The following STMN4 variants were observed in gnomAD, a reference collection of about 807,000 sequenced individuals.
The protein encoded by STMN4 is stathmin-4.
In STMN4, 12 loss-of-function variants were observed where a neutral mutation model predicts 29.1. The ratio of observed to expected loss-of-function variants is 0.41; its 90% CI spans 0.26 to 0.67. STMN4 has a LOEUF of 0.67. Among genes scored for constraint, STMN4 ranks in the 30% least tolerant of loss-of-function variants. STMN4 has a pLI of 0.30. For synonymous variants in STMN4, 114 were observed against 105.3 expected (o/e 1.08, Z -0.51); for missense variants, 181 against 262.8 (o/e 0.69, Z 2.15).
At position 27,240,009 on chromosome 8, in the gene STMN4, C is replaced by T; in HGVS notation, c.553G>A (p.Ala185Thr). 1 of 1,614,202 alleles carries T rather than the reference C, an allele frequency of 6.2e-7. No individual in the cohort carries two copies. The highest frequency in any genetic ancestry group is 8.5e-7 in the Non-Finnish European group (1 of 1,180,038). ...KMESNKENRE[A>T]HLAAMLERLQ... ...CGTTCCAACATGGCGGCGAGGTGGG[C>T]CTCCCTGTTCTCCTTGTTGGATTCC... Residue 185 changes from alanine to threonine, a missense_variant, in exon 6 of 7, where the codon GCC (alanine) becomes ACC (threonine). Ala to Thr is a moderately conservative substitution (Grantham distance 58, BLOSUM62 0). Coordinates refer to ENST00000350889, the MANE Select transcript of STMN4 (RefSeq NM_030795.4).
At chr8:27,237,552 G>A (rs1040586427) in intron 6 of STMN4, among the ~76,000 whole-genome samples, 20 of 152,164 alleles carry the variant, frequency 1.3e-4, no homozygotes, top group Non-Finnish European at 2.8e-4. Context: ...ACCGTGCCCA[G>A]GTGTGGACTC....
At chr8:27,242,619 C>A in intron 2 of STMN4, 127 bp from the exon 3 acceptor site, 1 of 852,924 alleles carries the variant, frequency 1.2e-6, no homozygotes, top group Non-Finnish European at 1.9e-6. Context: ...AGGCACACGC[C>A]AAGCCTGGGG....
chr8:27,241,338 A>G (rs1258733400), intron 4 of STMN4, 76 bp from the exon 5 acceptor site: 1 of 1,574,912 alleles, frequency 6.3e-7, no homozygotes. Context: ...GCGCATGCAC[A>G]CGGGAGTGGG....
chr8:27,237,095 C>T (rs1361989001), intron 6 of STMN4, among the ~76,000 whole-genome samples, 190 bp from the exon 7 acceptor site: 5 of 152,200 alleles, frequency 3.3e-5, no homozygotes, highest in Admixed American at 3.3e-4. Flanking sequence ...GGCAAGCCTA[C>T]TGGTGCTGCC....
chr8:27,257,014 T>C (rs2130187011), intron 1 of STMN4, among the ~76,000 whole-genome samples: 1 of 152,272 alleles, frequency 6.6e-6, no homozygotes, highest in Admixed American at 6.5e-5. Flanking sequence ...TGGGACCAGC[T>C]GACAGGTGCT....
intron 6 of STMN4, chr8:27,239,120 AACATT>A: frequency 7.4e-7 from 1 of 1,353,966 alleles, no homozygotes; most frequent in South Asian, 1.5e-5. Flanking sequence ...GGGCCTACGC[AACATT>A]CAGACACCTT....
chr8:27,251,442 G>C (rs1801783290), intron 1 of STMN4, among the ~76,000 whole-genome samples: 1 of 151,780 alleles, frequency 6.6e-6, no homozygotes, highest in African/African-American at 2.4e-5. Context: ...ATGTGACCCA[G>C]GAGTTCTGTG....
intron 6 of STMN4, chr8:27,239,630 G>A: frequency 7.9e-7 from 1 of 1,273,504 alleles, no homozygotes; most frequent in Non-Finnish European, 1.0e-6. Context: ...ATTCAGGGAT[G>A]AAGCTAGGAA....
chr8:27,237,487 T>G (rs930598938), intron 6 of STMN4, among the ~76,000 whole-genome samples: 1 of 152,182 alleles, frequency 6.6e-6, no homozygotes, highest in Non-Finnish European at 1.5e-5. Context: ...ACTCCTGGCC[T>G]CAAATGACCC....
chr8:27,249,100 C>A (rs1283499975), intron 1 of STMN4, among the ~76,000 whole-genome samples: 1 of 152,130 alleles, frequency 6.6e-6, no homozygotes, highest in African/African-American at 2.4e-5. Flanking sequence ...ATAACCCCCC[C>A]CAAGCACAGA....
chr8:27,236,732 C>G lies in STMN4; in HGVS notation c.*114G>C. ...AAGCAGAGGAAACGCCCCTTGGCCA[C>G]CCCCCTCCCCCCAAACCCCAGTGCT... On this transcript the variant is annotated 3_prime_UTR_variant, in exon 7 of 7. Coordinates refer to ENST00000350889, the MANE Select transcript of STMN4 (RefSeq NM_030795.4). 1 of 933,894 alleles carries G rather than the reference C, an allele frequency of 1.1e-6. No homozygotes were observed. The highest frequency in any genetic ancestry group is 2.2e-5 in the South Asian group (1 of 46,152). The allele number at this position is 933,894 out of a possible 1,614,324, so 57.9% of individuals were successfully genotyped here.
intron 3 of STMN4, 176 bp downstream of exon 3, chr8:27,242,221 A>G: frequency 1.5e-6 from 1 of 650,580 alleles, no homozygotes; most frequent in Non-Finnish European, 2.6e-6. Context: ...CCTAGTGCCC[A>G]GGCTGGACCA....
chr8:27,239,727 A>G (rs756809838), intron 6 of STMN4: 16 of 1,460,832 alleles, frequency 1.1e-5, no homozygotes, highest in Non-Finnish European at 1.3e-5. Flanking sequence ...AAGGCAATGA[A>G]GGATTTTAAT....
chr8:27,254,079 G>A (rs545774145), intron 1 of STMN4, among the ~76,000 whole-genome samples: 26 of 152,116 alleles, frequency 1.7e-4, no homozygotes, highest in African/African-American at 5.1e-4. Context: ...CATCGTGCCC[G>A]GCCCATGGTA....
chr8:27,242,191 G>T, intron 3 of STMN4: 2 of 601,264 alleles, frequency 3.3e-6, no homozygotes, highest in Non-Finnish European at 5.9e-6. Flanking sequence ...GGCGCCTGAT[G>T]CAGACCTTCA....
At chr8:27,241,923 G>T (rs970347632) in intron 3 of STMN4, among the ~76,000 whole-genome samples, 166 bp from the exon 4 acceptor site, 3 of 152,166 alleles carry the variant, frequency 2.0e-5, no homozygotes, top group African/African-American at 7.2e-5. Flanking sequence ...GTGTCTTGGG[G>T]CTGTCCCGGC....
intron 1 of STMN4, among the ~76,000 whole-genome samples, chr8:27,247,951 C>T (rs909895698): frequency 6.6e-6 from 1 of 152,192 alleles, no homozygotes; most frequent in Admixed American, 6.5e-5. Context: ...TCTATTGCCC[C>T]TAAGGAAGAC....
chr8:27,239,085 G>T (rs1414917594), intron 6 of STMN4: 1 of 972,146 alleles, frequency 1.0e-6, no homozygotes, highest in Non-Finnish European at 1.5e-6. Flanking sequence ...AGAGCACAGG[G>T]GCTGCCTCGT....
chr8:27,249,857 C>G lies in STMN4; in HGVS notation c.-78-6056G>C, dbSNP rs113892432. The stretch of plus-strand genomic sequence containing the variant: ...CTGCCCATACGACAGAATGAACAAG[C>G]ATTTTATTGGTCACTGTAAGAAATG... On this transcript the variant is annotated intron_variant, in intron 1 of 6. Coordinates refer to ENST00000350889, the MANE Select transcript of STMN4 (RefSeq NM_030795.4). Among the ~76,000 whole-genome samples, 359 of 152,310 alleles carry G rather than the reference C, an allele frequency of 2.4e-3. 3 individuals carry two copies. The highest frequency in any genetic ancestry group is 0.014 in the South Asian group (67 of 4,820).
Sources: allele counts gnomAD v4.1 joint callset (sites outside exome capture counted in the v4.1 genomes callset), GRCh38; gene constraint gnomAD v4.1.1; transcripts MANE v1.5; gene names NCBI Gene and HGNC (gene_info 2026-07-23, HGNC 2026-07-21).